RBFOX1: variants seen among roughly 807,000 people sequenced by gnomAD.
RBFOX1 encodes the protein RNA binding fox-1 homolog 1.
In RBFOX1, 8 loss-of-function variants were observed where a neutral mutation model predicts 57.7. The observed-to-expected ratio is 0.14, with a 90% CI of 0.08 to 0.25. RBFOX1 has a LOEUF of 0.25. Ranked by LOEUF, RBFOX1 falls within the 10% of genes least tolerant of loss-of-function variation. The pLI, the probability that RBFOX1 is intolerant of heterozygous loss-of-function variation, is 1.00. For missense variants in RBFOX1, 611 were observed against 548.5 expected, an observed-to-expected ratio of 1.11 and a Z score of -1.14; for synonymous variants, 326 against 222.4, an observed-to-expected ratio of 1.47 and a Z score of -4.15.
At chr16:7,215,684 C>G (rs184826222) in intron 4 of RBFOX1, among the ~76,000 whole-genome samples, 3 of 151,712 alleles carry the variant, frequency 2.0e-5, no homozygotes, top group African/African-American at 7.3e-5. Context: ...GCTAGGCCAC[C>G]ACTAATCTAT....
At chr16:5,247,432 A>T (rs928417604) in intron 1 of RBFOX1, among the ~76,000 whole-genome samples, 1 of 152,142 alleles carries the variant, frequency 6.6e-6, no homozygotes, top group Non-Finnish European at 1.5e-5. Context: ...AGACCCTCAC[A>T]TCTGTGCACT....
chr16:6,512,400 G>A (rs189997995), intron 2 of RBFOX1, among the ~76,000 whole-genome samples: 4 of 151,978 alleles, frequency 2.6e-5, no homozygotes, highest in Non-Finnish European at 4.4e-5. Context: ...TCAAGCCTCG[G>A]GTAGGATAGG....
chr16:7,501,893 G>A (rs1460976158), intron 4 of RBFOX1, among the ~76,000 whole-genome samples: 3 of 152,260 alleles, frequency 2.0e-5, no homozygotes, highest in South Asian at 4.1e-4. Flanking sequence ...AGGTACCTGG[G>A]CTATGTCTAC....
intron 10 of RBFOX1, among the ~76,000 whole-genome samples, chr16:7,616,961 C>T (rs2058548540): frequency 3.3e-5 from 5 of 151,146 alleles, no homozygotes; most frequent in Admixed American, 3.3e-4. Context: ...CCCAGGCCTG[C>T]TAGAATCCAC....
rs933295324 is a variant in RBFOX1, at chr16:6,603,017, A to G, written c.-63-51586A>G. Reference sequence around the variant, plus strand: ...CACCCAAGGAAAAAGAAGTTTCCCAATTTTATTTATTTCAGTAAGTATTTA... The same window carrying G: ...CACCCAAGGAAAAAGAAGTTTCCCAGTTTTATTTATTTCAGTAAGTATTTA... On this transcript the variant is annotated intron_variant, in intron 2 of 15. Coordinates refer to ENST00000550418, the MANE Select transcript of RBFOX1 (RefSeq NM_018723.4). Among the ~76,000 whole-genome samples, 4 of 152,308 alleles carry G rather than the reference A, an allele frequency of 2.6e-5. No homozygotes were observed. In the East Asian group the frequency reaches 5.8e-4, roughly 22 times the overall value.
intron 4 of RBFOX1, among the ~76,000 whole-genome samples, chr16:7,298,422 G>A (rs2095951101): frequency 2.0e-5 from 3 of 151,556 alleles, no homozygotes; most frequent in Admixed American, 2.0e-4. Flanking sequence ...CCAAGTAGCT[G>A]GGACTACAGA....
chr16:6,142,186 CTGCAAA>C (rs1299606510), intron 1 of RBFOX1, among the ~76,000 whole-genome samples: 17 of 55,408 alleles, frequency 3.1e-4, no homozygotes, highest in African/African-American at 1.1e-3. Context: ...GTTGCTGCTG[CTGCAAA>C]AAAAAAAAAA....
At chr16:5,363,094 T>C (rs502523) in intron 1 of RBFOX1, among the ~76,000 whole-genome samples, 71,564 of 145,530 alleles carry the variant, frequency 0.49, 19,586 homozygotes, top group Middle Eastern at 0.69. Flanking sequence ...AGCGCAGTGG[T>C]GTGATCTCGG....
intron 1 of RBFOX1, among the ~76,000 whole-genome samples, chr16:5,357,486 C>G (rs1418337045): frequency 6.6e-6 from 1 of 152,212 alleles, no homozygotes; most frequent in Admixed American, 6.5e-5. Flanking sequence ...AAGAGCCACA[C>G]AGAGAAGACT....
chr16:7,368,496 G>T (rs530226629), intron 4 of RBFOX1, among the ~76,000 whole-genome samples: 8 of 151,888 alleles, frequency 5.3e-5, no homozygotes, highest in Non-Finnish European at 7.4e-5. Flanking sequence ...AAAAAAATTG[G>T]AGCCGGGAAC....
chr16:6,139,804 C>G (rs1455747065), intron 1 of RBFOX1, among the ~76,000 whole-genome samples: 1 of 152,108 alleles, frequency 6.6e-6, no homozygotes, highest in African/African-American at 2.4e-5. Flanking sequence ...GTCCTGTTCC[C>G]CATTTTTATC....
At chr16:7,389,249 C>T (rs961119313) in intron 4 of RBFOX1, among the ~76,000 whole-genome samples, 1 of 152,116 alleles carries the variant, frequency 6.6e-6, no homozygotes, top group African/African-American at 2.4e-5. Context: ...CCTCAGCCTC[C>T]TGAATAGCTG....
intron 3 of RBFOX1, among the ~76,000 whole-genome samples, chr16:6,727,136 CAT>C (rs2067410686): frequency 1.4e-5 from 2 of 142,018 alleles, no homozygotes; most frequent in African/African-American, 2.6e-5. Context: ...ATATATAAAA[CAT>C]GTATATATTT....
intron 9 of RBFOX1, among the ~76,000 whole-genome samples, chr16:7,606,732 C>T (rs2095300457): frequency 6.6e-6 from 1 of 152,100 alleles, no homozygotes; most frequent in Non-Finnish European, 1.5e-5. Context: ...TTTACAGTTC[C>T]TGAATGCATC....
intron 2 of RBFOX1, among the ~76,000 whole-genome samples, chr16:5,519,025 C>G (rs780968363): frequency 1.3e-5 from 2 of 152,072 alleles, no homozygotes; most frequent in Admixed American, 6.5e-5. Context: ...GATGAGAACA[C>G]GAATGTACAG....
chr16:7,664,650 T>C (rs755026216), intron 12 of RBFOX1: 3 of 480,312 alleles, frequency 6.2e-6, no homozygotes, highest in Non-Finnish European at 1.1e-5. Context: ...TTCAAAGTCG[T>C]GCCTTTCTGT....
intron 4 of RBFOX1, among the ~76,000 whole-genome samples, chr16:7,198,780 C>G (rs898686241): frequency 6.6e-6 from 1 of 152,184 alleles, no homozygotes; most frequent in East Asian, 1.9e-4. Context: ...CTTACTGGGC[C>G]TCACCTCCCA....
intron 4 of RBFOX1, among the ~76,000 whole-genome samples, chr16:7,138,642 G>A (rs2072730831): frequency 6.6e-6 from 1 of 152,022 alleles, no homozygotes; most frequent in Non-Finnish European, 1.5e-5. Context: ...TCTCACCTGG[G>A]GCCTACAAAG....
chr16:6,756,015 AG>A (rs2075731123), intron 3 of RBFOX1, among the ~76,000 whole-genome samples: 1 of 152,178 alleles, frequency 6.6e-6, no homozygotes. Context: ...CAATCACATC[AG>A]CCCCGTTTGG....
Sources: allele counts gnomAD v4.1 joint callset (sites outside exome capture counted in the v4.1 genomes callset), GRCh38; gene constraint gnomAD v4.1.1; transcripts MANE v1.5; gene names NCBI Gene and HGNC (gene_info 2026-07-23, HGNC 2026-07-21).